COL16A1: variants seen among roughly 807,000 people sequenced by gnomAD.
COL16A1 encodes collagen alpha-1(XVI) chain.
COL16A1 carries 189 observed loss-of-function variants against 266.3 expected under a neutral mutation model. The observed-to-expected ratio is 0.71, with a 90% CI of 0.63 to 0.80. The LOEUF is 0.80. Among genes scored for constraint, COL16A1 ranks in the 30% least tolerant of loss-of-function variants. The pLI is 0.00. For missense variants in COL16A1, 1,928 were observed against 2,122.4 expected, an observed-to-expected ratio of 0.91 and a Z score of 1.80; for synonymous variants, 740 against 782.3, an observed-to-expected ratio of 0.95 and a Z score of 0.90.
intron 47 of COL16A1, 105 bp downstream of exon 47, chr1:31,672,311 T>G: frequency 7.8e-7 from 1 of 1,277,192 alleles, no homozygotes; most frequent in Non-Finnish European, 1.1e-6. Context: ...GAGCCCAGAG[T>G]GGTAAAGGGC....
rs1330718155 is a variant in COL16A1 at position 31,688,093 on chromosome 1, A to G, written c.1803+374T>C. Among the ~76,000 whole-genome samples, 1 of 152,190 alleles carries G rather than the reference A, an allele frequency of 6.6e-6. No homozygotes were observed. The highest frequency in any genetic ancestry group is 6.5e-5 in the Admixed American group (1 of 15,284). ...GTTTCCTCATCTGTGAAATGGGAAT[A>G]ATGGAGCACATACCCCATAAACTCT... is the stretch of plus-strand genomic sequence containing the variant. On this transcript the variant is annotated intron_variant, in intron 26 of 70. Coordinates refer to ENST00000373672, the MANE Select transcript of COL16A1 (RefSeq NM_001856.4). This position sits in a 1 kb window ranked among gnomAD's most constrained non-coding sequence, Gnocchi z 4.9.
At position 31,653,602 on chromosome 1, in the gene COL16A1, G is replaced by A. The variant is rs1361674541; in HGVS notation, c.4609C>T (p.Pro1537Ser). 1 of 1,613,558 alleles carries A rather than the reference G, an allele frequency of 6.2e-7. No homozygotes were observed. Residue 1537 changes from proline (P) to serine (S), a missense_variant, in exon 70 of 71, where the codon CCA (proline) becomes TCA (serine). Transcript: ENST00000373672. ...IAGENGLPGP[P>S]GPQGPPGYGK... ...CTCAAATGGTGGTATTTCCTACCTG[G>A]GGGGCCGGGAAGACCATTTTCTCCT...
In COL16A1 at chr1:31,684,575, C is replaced by G. The variant is rs1449559991; in HGVS notation, c.2108G>C (p.Gly703Ala). 6 of 1,613,908 alleles carry G rather than the reference C, an allele frequency of 3.7e-6. No homozygotes were observed. The highest frequency in any genetic ancestry group is 5.1e-6 in the Non-Finnish European group (6 of 1,180,006). ...PGTPGTTGRPGLSGEPGVQGP... is the reference protein window; with the variant it reads ...PGTPGTTGRPALSGEPGVQGP... ...CTGAACTCCAGGCTCTCCTGACAGT[C>G]CTGGCCGCCCTGTGGTGCCCGGCGT... is the stretch of plus-strand genomic sequence containing the variant. Residue 703 changes from glycine to alanine, a missense_variant, in exon 31 of 71, where the codon GGA becomes GCA. Transcript: ENST00000373672.
In COL16A1 at chr1:31,672,841, C is replaced by G. The variant is rs768036563; in HGVS notation, c.2860-1G>C. ...CCTGGACACAGTCCCCGCAGATACT[C>G]TGATCAGGGAGTGGGGAGAGGAGTG... On this transcript the variant is annotated splice_acceptor_variant, in intron 44 of 70. Coordinates refer to ENST00000373672, the MANE Select transcript of COL16A1 (RefSeq NM_001856.4). LOFTEE classifies it high-confidence loss of function. 1 of 1,613,712 alleles carries G rather than the reference C, an allele frequency of 6.2e-7. No individual in the cohort carries two copies. Among genetic ancestry groups the G allele is most frequent in the Admixed American group, 1.7e-5 (1 of 59,978 alleles).
In COL16A1 at chr1:31,657,503, G is replaced by A. The variant is rs968029317; in HGVS notation, c.4021-435C>T. The A allele has an allele frequency of 1.7e-5, 3 of 181,526 alleles. No individual in the cohort carries two copies. Among genetic ancestry groups the A allele is most frequent in the African/African-American group, 7.0e-5 (3 of 42,812 alleles). 11.2% of individuals were successfully genotyped at this position (181,526 alleles called of 1,614,324 possible). On this transcript the variant is annotated intron_variant, in intron 64 of 70. Coordinates refer to ENST00000373672, the MANE Select transcript of COL16A1 (RefSeq NM_001856.4). The surrounding 1 kb of genome is among the most constrained non-coding windows in gnomAD (Gnocchi z 6.4). ...GACTCTGATTGCTAGGCAAGTGGGA[G>A]ATTCATCCAGGGGCCATGGAGGCTC...
At chr1:31,689,502 TAG>T in intron 23 of COL16A1, 1 of 578,212 alleles carries the variant, frequency 1.7e-6, no homozygotes, top group Non-Finnish European at 3.1e-6. Context: ...AAAGGCACCC[TAG>T]AGTCTCCTGG....
rs765541103 is a variant in COL16A1 at position 31,681,045 on chromosome 1, T to C, written c.2561A>G (p.Gln854Arg). 3.7e-6 allele frequency: 6 copies of C among 1,613,380 alleles called. No homozygotes were observed. In the African/African-American group the frequency reaches 8.0e-5, roughly 22 times the overall value. Residue 854 changes from glutamine (Q) to arginine (R), a missense_variant, in exon 38 of 71, where the codon CAG becomes CGG. Gln to Arg is a conservative substitution (Grantham distance 43). Around this residue, in one of 2 missense-constraint regions of COL16A1, gnomAD observed 1,552 missense variants for 1,637.2 expected, o/e 0.95. Coordinates refer to ENST00000373672, the MANE Select transcript of COL16A1 (RefSeq NM_001856.4). ...GPPGRDGQQG[Q>R]TGLRGTPGEK... Reference sequence around the variant, plus strand: ...CACTGGTGTTCCTCTGAGTCCCGTCTGTCCTTGCTGCCCATCACGGCCCTG... The same window carrying C: ...CACTGGTGTTCCTCTGAGTCCCGTCCGTCCTTGCTGCCCATCACGGCCCTG...
chr1:31,678,835 C>T (rs144078410), intron 42 of COL16A1, among the ~76,000 whole-genome samples: 141 of 152,256 alleles, frequency 9.3e-4, no homozygotes, highest in African/African-American at 2.2e-3. Context: ...ATGGCAGAGC[C>T]GGGATTCAAG....
Position 31,656,350 on chromosome 1 carries a change from T to G in COL16A1, c.4101+50A>C. 1 of 1,604,862 alleles carries G rather than the reference T, an allele frequency of 6.2e-7. No individual in the cohort carries two copies. Among genetic ancestry groups the G allele is most frequent in the Non-Finnish European group, 8.5e-7 (1 of 1,175,946 alleles). ...CTAAAGCCGTAACTTGCAGCTGGGC[T>G]TCATCCACTCGTGAGCTTCTCCTCT... On this transcript the variant is annotated intron_variant, in intron 66 of 70. Coordinates refer to ENST00000373672, the MANE Select transcript of COL16A1 (RefSeq NM_001856.4). The surrounding 1 kb of genome is among the most constrained non-coding windows in gnomAD (Gnocchi z 4.2).
intron 61 of COL16A1, 91 bp from the exon 62 acceptor site, chr1:31,660,729 A>T (rs114119937): frequency 1.3e-6 from 2 of 1,556,520 alleles, no homozygotes; most frequent in African/African-American, 2.7e-5. Context: ...GGCAGAATAC[A>T]TGGTAATGCC....
intron 42 of COL16A1, among the ~76,000 whole-genome samples, chr1:31,676,282 G>A (rs967769462): frequency 2.8e-5 from 4 of 142,710 alleles, no homozygotes; most frequent in East Asian, 4.2e-4. Context: ...CCAAGATTAC[G>A]CCACTACACT....
intron 47 of COL16A1, among the ~76,000 whole-genome samples, chr1:31,671,864 G>A (rs1282629697): frequency 1.3e-5 from 2 of 152,180 alleles, no homozygotes; most frequent in Admixed American, 6.5e-5. Flanking sequence ...CAACTATTAC[G>A]TACCAGGCAT....
intron 8 of COL16A1, among the ~76,000 whole-genome samples, 182 bp from the exon 9 acceptor site, chr1:31,696,323 T>TCC (rs796574625): frequency 8.8e-5 from 12 of 136,584 alleles, no homozygotes; most frequent in African/African-American, 1.6e-4. Context: ...TCCCCCTCCT[T>TCC]CCCCCCCCAC....
intron 9 of COL16A1, 51 bp downstream of exon 9, chr1:31,696,037 C>T: frequency 6.6e-7 from 1 of 1,520,194 alleles, no homozygotes; most frequent in South Asian, 1.1e-5. Context: ...TACAGGGGCA[C>T]AGAGGGCAGA....
rs1644542519 is a variant in COL16A1, at chr1:31,697,289, C to A, written c.669G>T (p.Gln223His). 6.2e-7 allele frequency: 1 copy of A among 1,609,456 alleles called. No homozygotes were observed. The highest frequency in any genetic ancestry group is 1.7e-5 in the Admixed American group (1 of 59,622). ...CCGGGTCACAGTAGATGTGCACCTGCTGAAGGTCAAACTGCAGGAGACACA... is the reference window on the plus strand; with the variant it reads ...CCGGGTCACAGTAGATGTGCACCTGATGAAGGTCAAACTGCAGGAGACACA... ...EQGKPVSFDL[Q>H]QVHIYCDPEL... is the part of the protein sequence containing the mutation. The change falls in exon 7 of 71, where the codon CAG becomes CAT. Residue 223 changes from glutamine to histidine, a missense_variant. Transcript: ENST00000373672. The surrounding 1 kb of genome is among the most constrained non-coding windows in gnomAD (Gnocchi z 4.2).
At chr1:31,658,009 T>C (rs936959277) in intron 64 of COL16A1, among the ~76,000 whole-genome samples, 2 of 152,180 alleles carry the variant, frequency 1.3e-5, no homozygotes, top group Non-Finnish European at 2.9e-5. Context: ...CAGATTAAGA[T>C]AAAATGCACA....
Position 31,697,841 on chromosome 1 carries a change from T to TA in COL16A1, c.657+64_657+65insT. 1 of 1,518,378 alleles carries TA rather than the reference T, an allele frequency of 6.6e-7. No individual in the cohort carries two copies. Among genetic ancestry groups the TA allele is most frequent in the Non-Finnish European group, 8.8e-7 (1 of 1,131,332 alleles). 94.1% of individuals were successfully genotyped at this position (1,518,378 alleles called of 1,614,324 possible). On this transcript the variant is annotated intron_variant, in intron 6 of 70. Transcript: ENST00000373672. The surrounding 1 kb of genome is among the most constrained non-coding windows in gnomAD (Gnocchi z 4.2). Reference sequence around the variant, plus strand: ...GAGAAGGACTTGTTCCGATACGGATTCCAGGAAGCCCACTCAGGTTCCCAG... The same window carrying TA: ...GAGAAGGACTTGTTCCGATACGGATTACCAGGAAGCCCACTCAGGTTCCCAG...
In COL16A1 at chr1:31,685,011, T is replaced by G. The variant is rs1280584718; in HGVS notation, c.2017-155A>C. ...ATCTTGCCCAGGTGCAGAGCAAAGA[T>G]TTGTGCCAGACTCTTTGCCTGGGTG... On this transcript the variant is annotated intron_variant, in intron 29 of 70. Transcript: ENST00000373672. This position sits in a 1 kb window ranked among gnomAD's most constrained non-coding sequence, Gnocchi z 4.0. 6.6e-6 allele frequency among the ~76,000 whole-genome samples: 1 copy of G among 152,198 alleles called. No individual in the cohort carries two copies. Among genetic ancestry groups the G allele is most frequent in the African/African-American group, 2.4e-5 (1 of 41,452 alleles).
Position 31,668,707 on chromosome 1 carries a change from T to G in COL16A1, c.3249+95A>C. 1 of 1,372,918 alleles carries G rather than the reference T, an allele frequency of 7.3e-7. No homozygotes were observed. The highest frequency in any genetic ancestry group is 1.0e-6 in the Non-Finnish European group (1 of 963,488). 85.0% of individuals were successfully genotyped at this position (1,372,918 alleles called of 1,614,324 possible). A position where few individuals can be genotyped will look rare whatever the true frequency, so the allele number is the denominator to read the frequency against. Reference sequence around the variant, plus strand: ...AGTCTCAAGGAGTCCACCTCCCAGCTTCCACTCAGCAGCCACCCTTCAGAG... The same window carrying G: ...AGTCTCAAGGAGTCCACCTCCCAGCGTCCACTCAGCAGCCACCCTTCAGAG... On this transcript the variant is annotated intron_variant, in intron 50 of 70. Coordinates refer to ENST00000373672, the MANE Select transcript of COL16A1 (RefSeq NM_001856.4). This position sits in a 1 kb window ranked among gnomAD's most constrained non-coding sequence, Gnocchi z 5.8.
Sources: allele counts gnomAD v4.1 joint callset (sites outside exome capture counted in the v4.1 genomes callset), GRCh38; gene constraint gnomAD v4.1.1; regional missense constraint gnomAD v4.1.1; non-coding constraint Gnocchi (gnomAD v3.1); transcripts MANE v1.5; gene names NCBI Gene and HGNC (gene_info 2026-07-23, HGNC 2026-07-21).